Variants in WARS2 observed in about 807,000 individuals in gnomAD.
WARS2 encodes the protein tryptophanyl tRNA synthetase 2, mitochondrial.
In WARS2, 28 loss-of-function variants were observed where a neutral mutation model predicts 36.5. That is an observed-to-expected ratio of 0.77 (90% CI 0.57 to 1.05). WARS2 has a LOEUF of 1.05. WARS2 is among the 50% of genes least tolerant of loss of function. The probability of loss-of-function intolerance (pLI) is 0.00; values close to 1 mark genes in which losing one functional copy is unlikely to be tolerated. For synonymous variants in WARS2, 174 were observed against 178.4 expected (o/e 0.98, Z 0.20); for missense variants, 435 against 456.8 (o/e 0.95, Z 0.44).
chr1:119,043,406 G>A (rs899892220), intron 3 of WARS2, among the ~76,000 whole-genome samples: 1 of 152,124 alleles, frequency 6.6e-6, no homozygotes, highest in African/African-American at 2.4e-5. Context: ...CCCCTACCAA[G>A]GTGCAGACAT....
chr1:119,048,548 A>G (rs1210645784), intron 2 of WARS2, among the ~76,000 whole-genome samples: 2 of 152,216 alleles, frequency 1.3e-5, no homozygotes, highest in Middle Eastern at 3.2e-3. Context: ...AACATCATGC[A>G]TAACTACAGC....
chr1:119,132,118 C>T (rs1450434177), intron 1 of WARS2, among the ~76,000 whole-genome samples: 1 of 152,168 alleles, frequency 6.6e-6, no homozygotes, highest in Non-Finnish European at 1.5e-5. Flanking sequence ...GTATTATTAA[C>T]ATGTTGCACA....
At chr1:119,105,413 C>G (rs944581958) in intron 1 of WARS2, among the ~76,000 whole-genome samples, 6 of 152,112 alleles carry the variant, frequency 3.9e-5, no homozygotes, top group African/African-American at 1.4e-4. Flanking sequence ...CAAAAATCAT[C>G]AGCATATTCA....
intron 2 of WARS2, among the ~76,000 whole-genome samples, chr1:119,060,115 T>C (rs973872755): frequency 6.6e-6 from 1 of 152,198 alleles, no homozygotes; most frequent in Non-Finnish European, 1.5e-5. Flanking sequence ...TTAACAATAT[T>C]GAGTTTTCCA....
At chr1:119,057,320 G>A (rs1649907404) in intron 2 of WARS2, among the ~76,000 whole-genome samples, 1 of 151,564 alleles carries the variant, frequency 6.6e-6, no homozygotes, top group Non-Finnish European at 1.5e-5. Context: ...TAAATTTTGT[G>A]TTTTTAGTAG....
At chr1:119,067,398 CA>C (rs1650964339) in intron 2 of WARS2, among the ~76,000 whole-genome samples, 1 of 152,082 alleles carries the variant, frequency 6.6e-6, no homozygotes, top group South Asian at 2.1e-4. Context: ...GCAAGTATGC[CA>C]AAAGGCAAGC....
At position 119,033,256 on chromosome 1, in the gene WARS2, C is replaced by A. The variant is rs1647595236; in HGVS notation, c.738G>T (p.Glu246Asp). Residue 246 changes from glutamate to aspartate, a missense_variant, in exon 6 of 6, where the codon GAG (glutamate) becomes GAT (aspartate). Coordinates refer to ENST00000235521, the MANE Select transcript of WARS2 (RefSeq NM_015836.4). ...CAGCCTTGCGGAATTTCTGCACTATCTCCTCTGGGCTGTCTGTTATTCGGA... is the reference window on the plus strand; with the variant it reads ...CAGCCTTGCGGAATTTCTGCACTATATCCTCTGGGCTGTCTGTTATTCGGA... ...ATVRITDSPEEIVQKFRKAVT... is the reference protein window; with the variant it reads ...ATVRITDSPEDIVQKFRKAVT... 2 of 1,614,144 alleles carry A rather than the reference C, an allele frequency of 1.2e-6. No individual in the cohort carries two copies. The highest frequency in any genetic ancestry group is 1.7e-5 in the Admixed American group (1 of 60,016).
chr1:119,114,310 A>G (rs1435939883), intron 1 of WARS2, among the ~76,000 whole-genome samples: 1 of 152,236 alleles, frequency 6.6e-6, no homozygotes, highest in Non-Finnish European at 1.5e-5. Context: ...CCCAAATGGA[A>G]GCTATGAGTA....
chr1:119,097,315 AT>A (rs1653509256), intron 1 of WARS2, among the ~76,000 whole-genome samples: 1 of 152,146 alleles, frequency 6.6e-6, no homozygotes, highest in Non-Finnish European at 1.5e-5. Flanking sequence ...GTTCTCTCAT[AT>A]TTCTGACAAT....
At chr1:119,140,512 C>A (rs376002550) in intron 1 of WARS2, 43 bp downstream of exon 1, 1 of 1,588,140 alleles carries the variant, frequency 6.3e-7, no homozygotes, top group African/African-American at 1.3e-5. Context: ...AGAAGAACCT[C>A]GCGGGATGGG....
chr1:119,103,159 A>G (rs1653989549), intron 1 of WARS2, among the ~76,000 whole-genome samples: 1 of 152,230 alleles, frequency 6.6e-6, no homozygotes, highest in African/African-American at 2.4e-5. Flanking sequence ...AAGGACCATT[A>G]CTGGTCCATG....
intron 2 of WARS2, among the ~76,000 whole-genome samples, chr1:119,054,470 C>T (rs1649612575): frequency 1.3e-5 from 2 of 152,046 alleles, no homozygotes; most frequent in Admixed American, 6.6e-5. Context: ...TAAAATGGTG[C>T]AGCTGCTATG....
chr1:119,132,503 C>A (rs1656187926), intron 1 of WARS2, among the ~76,000 whole-genome samples: 1 of 152,278 alleles, frequency 6.6e-6, no homozygotes, highest in African/African-American at 2.4e-5. Context: ...TCTTTTCCAG[C>A]AAATTTATGA....
intron 1 of WARS2, among the ~76,000 whole-genome samples, chr1:119,088,277 G>T (rs587734267): frequency 2.6e-5 from 4 of 152,272 alleles, no homozygotes; most frequent in African/African-American, 9.6e-5. Context: ...CACCCCCAGA[G>T]ATTCTGATTT....
intron 1 of WARS2, among the ~76,000 whole-genome samples, chr1:119,136,505 C>T (rs1656519150): frequency 6.6e-6 from 1 of 152,164 alleles, no homozygotes; most frequent in Admixed American, 6.5e-5. Context: ...AGAGTGGATC[C>T]ACGCAACACC....
chr1:119,036,118 C>G (rs1299614974), intron 4 of WARS2, among the ~76,000 whole-genome samples: 1 of 152,108 alleles, frequency 6.6e-6, no homozygotes, highest in Non-Finnish European at 1.5e-5. Flanking sequence ...GCAGAAGAAT[C>G]TCTTGAACCC....
intron 2 of WARS2, among the ~76,000 whole-genome samples, chr1:119,061,198 A>T (rs1419851754): frequency 6.6e-6 from 1 of 152,222 alleles, no homozygotes; most frequent in Non-Finnish European, 1.5e-5. Flanking sequence ...AACAAAAACC[A>T]TTCTTAAGAA....
chr1:119,115,326 T>C (rs978508426), intron 1 of WARS2, among the ~76,000 whole-genome samples: 1 of 152,192 alleles, frequency 6.6e-6, no homozygotes, highest in African/African-American at 2.4e-5. Flanking sequence ...GGAAGCATCC[T>C]AGCTTTGACA....
chr1:119,066,341 G>A (rs1650857761), intron 2 of WARS2, among the ~76,000 whole-genome samples: 3 of 151,844 alleles, frequency 2.0e-5, no homozygotes, highest in Non-Finnish European at 2.9e-5. Context: ...AGCCGGGTGT[G>A]GTGGTGGGCG....
Sources: allele counts gnomAD v4.1 joint callset (sites outside exome capture counted in the v4.1 genomes callset), GRCh38; gene constraint gnomAD v4.1.1; transcripts MANE v1.5; gene names NCBI Gene and HGNC (gene_info 2026-07-23, HGNC 2026-07-21).